The following SATB2 variants were observed in gnomAD, a reference collection of about 807,000 sequenced individuals.
SATB2 encodes the protein DNA-binding protein SATB2.
Under a neutral mutation model 73.4 loss-of-function variants are expected in SATB2, and 1 was observed. The ratio of observed to expected loss-of-function variants is 0.01; its 90% confidence interval spans 0.00 to 0.06. The LOEUF (loss-of-function observed/expected upper bound fraction) is 0.06, where lower values mean the gene tolerates loss of function less well. Ranked by LOEUF, SATB2 falls within the 10% of genes least tolerant of loss-of-function variation. The pLI is 1.00. For synonymous variants in SATB2, 397 were observed against 367.0 expected, an observed-to-expected ratio of 1.08 and a Z score of -0.93; for missense variants, 459 against 945.8, an observed-to-expected ratio of 0.49 and a Z score of 6.75.
At chr2:199,430,952 T>C (rs1691483514) in intron 3 of SATB2, among the ~76,000 whole-genome samples, 1 of 152,216 alleles carries the variant, frequency 6.6e-6, no homozygotes, top group Non-Finnish European at 1.5e-5. Flanking sequence ...CAACCCACTA[T>C]CCTTGCAGTT....
intron 3 of SATB2, among the ~76,000 whole-genome samples, chr2:199,416,576 T>A (rs544741866): frequency 1.3e-5 from 2 of 152,254 alleles, no homozygotes; most frequent in South Asian, 4.2e-4. Flanking sequence ...AGGAGGGGTT[T>A]AAATACTAAC....
chr2:199,461,489 G>C (rs1041611114), upstream of SATB2, among the ~76,000 whole-genome samples: 1 of 152,128 alleles, frequency 6.6e-6, no homozygotes, highest in African/African-American at 2.4e-5. Context: ...ACAAAATCAC[G>C]AGAAAAGAGT....
At chr2:199,312,024 A>G (rs1687612102) in intron 9 of SATB2, among the ~76,000 whole-genome samples, 1 of 151,792 alleles carries the variant, frequency 6.6e-6, no homozygotes, top group African/African-American at 2.4e-5. Context: ...CCATCCAAGA[A>G]AGTTTTGCAG....
In SATB2 at chr2:199,306,340, C is replaced by A. The variant is rs184815696; in HGVS notation, c.1740+2420G>T. On this transcript the variant is annotated intron_variant, in intron 10 of 10. Coordinates refer to ENST00000417098, the MANE Select transcript of SATB2 (RefSeq NM_001172509.2). ...TTCAACGTTGCAAAGCAGTGTCACTCAGATATAGGCATAACGTTAAAGAAA... is the reference window on the plus strand; with the variant it reads ...TTCAACGTTGCAAAGCAGTGTCACTAAGATATAGGCATAACGTTAAAGAAA... Among the ~76,000 whole-genome samples the A allele has an allele frequency of 1.5e-4, 23 of 152,244 alleles. 1 individual carries two copies. Among genetic ancestry groups the A allele is most frequent in the Admixed American group, 4.6e-4 (7 of 15,300 alleles).
intron 8 of SATB2, among the ~76,000 whole-genome samples, chr2:199,327,946 A>C (rs1251305903): frequency 2.6e-5 from 4 of 152,022 alleles, no homozygotes; most frequent in Non-Finnish European, 4.4e-5. Context: ...AGCTTCAACT[A>C]CCCTCTGCCC....
intron 10 of SATB2, among the ~76,000 whole-genome samples, chr2:199,288,559 G>C (rs1156494566): frequency 6.6e-6 from 1 of 152,128 alleles, no homozygotes; most frequent in African/African-American, 2.4e-5. Flanking sequence ...TCAGAAGTCA[G>C]AACAATCTGA....
intron 7 of SATB2, among the ~76,000 whole-genome samples, chr2:199,333,858 T>C (rs1014005049): frequency 3.9e-5 from 6 of 152,172 alleles, no homozygotes; most frequent in African/African-American, 1.4e-4. Flanking sequence ...AATTTATTTT[T>C]TAAAGTGATA....
At chr2:199,446,080 T>C (rs1691954068) in intron 2 of SATB2, among the ~76,000 whole-genome samples, 1 of 152,108 alleles carries the variant, frequency 6.6e-6, no homozygotes, top group Non-Finnish European at 1.5e-5. Context: ...CGTAATGACT[T>C]AATATTAAGA....
intron 2 of SATB2, 135 bp from the exon 3 acceptor site, chr2:199,433,649 A>G: frequency 2.4e-6 from 2 of 825,396 alleles, no homozygotes; most frequent in Non-Finnish European, 4.1e-6. Context: ...CAAGCCTCTT[A>G]GTCATATAGG....
chr2:199,416,863 T>G (rs748329122), intron 3 of SATB2, among the ~76,000 whole-genome samples: 1 of 152,008 alleles, frequency 6.6e-6, no homozygotes, highest in Non-Finnish European at 1.5e-5. Flanking sequence ...GGTGAAACCC[T>G]ATCTCTACTA....
chr2:199,443,381 A>G (rs1691875335), intron 2 of SATB2, among the ~76,000 whole-genome samples: 4 of 152,138 alleles, frequency 2.6e-5, no homozygotes, highest in African/African-American at 9.7e-5. Context: ...CCAGATTTCT[A>G]GTGGGAATAT....
chr2:199,319,288 C>T (rs1461666156), intron 9 of SATB2, among the ~76,000 whole-genome samples: 5 of 152,114 alleles, frequency 3.3e-5, no homozygotes, highest in African/African-American at 1.2e-4. Flanking sequence ...AGTGGGCCTG[C>T]AAGGGCATAG....
chr2:199,413,378 T>C (rs549803575), intron 3 of SATB2, among the ~76,000 whole-genome samples: 2 of 152,264 alleles, frequency 1.3e-5, no homozygotes, highest in South Asian at 4.1e-4. Flanking sequence ...TCCCATATTC[T>C]TTCATTAAAC....
chr2:199,381,154 G>T (rs1559017342), intron 4 of SATB2, among the ~76,000 whole-genome samples: 2 of 151,786 alleles, frequency 1.3e-5, no homozygotes. Context: ...AAAAAATAAA[G>T]AAATCATCCC....
chr2:199,308,746 T>C lies in SATB2; in HGVS notation c.1740+14A>G. 2 of 1,612,180 alleles carry C rather than the reference T, an allele frequency of 1.2e-6. No individual in the cohort carries two copies. Among genetic ancestry groups the C allele is most frequent in the Non-Finnish European group, 1.7e-6 (2 of 1,178,902 alleles). ...GCCCTGATCAGGTGGGGTACGGCGGTCGGGGACACTGACCTGCACCGGCTC... is the reference window on the plus strand; with the variant it reads ...GCCCTGATCAGGTGGGGTACGGCGGCCGGGGACACTGACCTGCACCGGCTC... On this transcript the variant is annotated intron_variant, in intron 10 of 10. Transcript: ENST00000417098. The surrounding 1 kb of genome is among the most constrained non-coding windows in gnomAD (Gnocchi z 4.6).
At position 199,308,207 on chromosome 2, in the gene SATB2, A is replaced by G. The variant is rs1193463318; in HGVS notation, c.1740+553T>C. On this transcript the variant is annotated intron_variant, in intron 10 of 10. Transcript: ENST00000417098. This position sits in a 1 kb window ranked among gnomAD's most constrained non-coding sequence, Gnocchi z 4.6. ...AAACACGCAATCCAAAGGAAGGCAG[A>G]TTTCTAAATGAGATGTAACCAAAGA... is the stretch of plus-strand genomic sequence containing the variant. 6.6e-6 allele frequency among the ~76,000 whole-genome samples: 1 copy of G among 152,182 alleles called. No individual in the cohort carries two copies. The highest frequency in any genetic ancestry group is 2.4e-5 in the African/African-American group (1 of 41,438).
chr2:199,391,641 T>C (rs936796600), intron 3 of SATB2, among the ~76,000 whole-genome samples: 1 of 152,120 alleles, frequency 6.6e-6, no homozygotes, highest in African/African-American at 2.4e-5. Flanking sequence ...GTAAACCAAA[T>C]TTTAAAATAT....
At chr2:199,400,797 G>T (rs532008997) in intron 3 of SATB2, among the ~76,000 whole-genome samples, 5 of 152,190 alleles carry the variant, frequency 3.3e-5, no homozygotes, top group South Asian at 2.1e-4. Flanking sequence ...TCATATTTTT[G>T]ACTCCAAAGC....
intron 3 of SATB2, among the ~76,000 whole-genome samples, chr2:199,429,083 C>T (rs1691423371): frequency 6.6e-6 from 1 of 151,228 alleles, no homozygotes; most frequent in South Asian, 2.1e-4. Flanking sequence ...ATTACAGGGG[C>T]TCATTAACGA....
Sources: allele counts gnomAD v4.1 joint callset (sites outside exome capture counted in the v4.1 genomes callset), GRCh38; gene constraint gnomAD v4.1.1; non-coding constraint Gnocchi (gnomAD v3.1); transcripts MANE v1.5; gene names NCBI Gene and HGNC (gene_info 2026-07-23, HGNC 2026-07-21).